Variants in NRG4 observed in about 807,000 individuals in gnomAD.
NRG4 encodes the protein pro-neuregulin-4, membrane-bound isoform.
A neutral mutation model predicts 15.0 loss-of-function variants in NRG4; 10 were observed. The observed-to-expected ratio is 0.67, with a 90% CI of 0.41 to 1.13. The LOEUF is 1.13. Among genes scored for constraint, NRG4 ranks in the 50% most tolerant of loss-of-function variants. The probability of loss-of-function intolerance (pLI) is 0.00; values close to 1 mark genes in which losing one functional copy is unlikely to be tolerated. For synonymous variants in NRG4, 41 were observed against 50.1 expected, an observed-to-expected ratio of 0.82 and a Z score of 0.77; for missense variants, 139 against 140.2, an observed-to-expected ratio of 0.99 and a Z score of 0.04.
chr15:76,015,274 A>G (rs1055632459), upstream of NRG4, among the ~76,000 whole-genome samples: 1 of 152,234 alleles, frequency 6.6e-6, no homozygotes, highest in African/African-American at 2.4e-5. Flanking sequence ...ATATACAATC[A>G]TGTCATCTGC....
At chr15:75,980,169 A>T (rs1221858802) in intron 3 of NRG4, among the ~76,000 whole-genome samples, 1 of 152,222 alleles carries the variant, frequency 6.6e-6, no homozygotes, top group Non-Finnish European at 1.5e-5. Flanking sequence ...AACCATGTTC[A>T]GTAGTATAAA....
upstream of NRG4, among the ~76,000 whole-genome samples, chr15:76,015,405 T>A (rs1264489392): frequency 6.6e-6 from 1 of 152,226 alleles, no homozygotes; most frequent in African/African-American, 2.4e-5. Flanking sequence ...AGAGAGGGCA[T>A]CCTTGTGTTG....
At chr15:76,024,551 C>A (rs973889405) in intron 5 of NRG4, among the ~76,000 whole-genome samples, 2 of 152,230 alleles carry the variant, frequency 1.3e-5, no homozygotes, top group Non-Finnish European at 2.9e-5. Flanking sequence ...GTAAGCCACC[C>A]CTGGCAGGCA....
chr15:75,954,265 G>GTTTTTTTT (rs774149763), intron 5 of NRG4, among the ~76,000 whole-genome samples: 11 of 136,020 alleles, frequency 8.1e-5, no homozygotes, highest in East Asian at 2.2e-4. Context: ...TTGTTTTTTT[G>GTTTTTTTT]TTTTTTTTTT....
At chr15:75,992,880 C>G (rs1265349993) in intron 3 of NRG4, among the ~76,000 whole-genome samples, 2 of 151,232 alleles carry the variant, frequency 1.3e-5, no homozygotes, top group East Asian at 1.9e-4. Flanking sequence ...TGTATATATA[C>G]TACATTTTAT....
chr15:76,012,998 A>G (rs542013429), upstream of NRG4, among the ~76,000 whole-genome samples: 3 of 152,340 alleles, frequency 2.0e-5, no homozygotes, highest in South Asian at 6.2e-4. Context: ...TAAAAATCAT[A>G]AACAATTTTA....
At chr15:75,974,336 T>C (rs1387108858) in intron 3 of NRG4, among the ~76,000 whole-genome samples, 1 of 152,244 alleles carries the variant, frequency 6.6e-6, no homozygotes, top group Non-Finnish European at 1.5e-5. Flanking sequence ...TCATGGAGTT[T>C]TTGAAGGATT....
At chr15:75,973,351 C>A (rs907545730) in intron 3 of NRG4, among the ~76,000 whole-genome samples, 1 of 152,094 alleles carries the variant, frequency 6.6e-6, no homozygotes, top group Non-Finnish European at 1.5e-5. Context: ...ATTTGAATAC[C>A]CTTTATTTCT....
chr15:76,042,443 C>T (rs1190922943), intron 4 of NRG4, among the ~76,000 whole-genome samples: 2 of 151,134 alleles, frequency 1.3e-5, no homozygotes, highest in Non-Finnish European at 3.0e-5. Context: ...AGAGGAGATA[C>T]AAATAAATAA....
chr15:75,949,298 C>A (rs1296735138), intron 5 of NRG4, among the ~76,000 whole-genome samples: 1 of 151,828 alleles, frequency 6.6e-6, no homozygotes, highest in Non-Finnish European at 1.5e-5. Context: ...GTAGTCCCAG[C>A]TACTCGGGAG....
chr15:76,004,935 C>T (rs1312557457), intron 3 of NRG4, among the ~76,000 whole-genome samples: 1 of 152,122 alleles, frequency 6.6e-6, no homozygotes, highest in African/African-American at 2.4e-5. Flanking sequence ...TTTTGACTCC[C>T]TCAAAACTTA....
intron 5 of NRG4, among the ~76,000 whole-genome samples, chr15:75,953,130 T>C (rs1388196081): frequency 6.6e-6 from 1 of 152,238 alleles, no homozygotes; most frequent in Non-Finnish European, 1.5e-5. Flanking sequence ...CTATGTTTTC[T>C]ACTAAGAGTT....
At chr15:76,024,110 C>T (rs1185201537) in intron 5 of NRG4, among the ~76,000 whole-genome samples, 1 of 152,234 alleles carries the variant, frequency 6.6e-6, no homozygotes, top group African/African-American at 2.4e-5. Flanking sequence ...TGGGCTACTC[C>T]TAGCTCACCT....
chr15:76,040,493 C>T (rs1193664193), intron 4 of NRG4, among the ~76,000 whole-genome samples: 3 of 152,188 alleles, frequency 2.0e-5, no homozygotes, highest in Admixed American at 1.3e-4. Context: ...AGCAGTAAGA[C>T]ATCATCTGAA....
intron 5 of NRG4, among the ~76,000 whole-genome samples, chr15:75,946,168 A>G (rs2031492013): frequency 6.6e-6 from 1 of 152,192 alleles, no homozygotes; most frequent in African/African-American, 2.4e-5. Context: ...GGGAGATTTC[A>G]TCATGTTGCT....
rs2032218498 is a variant in NRG4 at position 75,956,006 on chromosome 15, C to A, written c.257G>T (p.Gly86Val). The A allele has an allele frequency of 6.2e-7, 1 of 1,600,462 alleles. No homozygotes were observed. Among genetic ancestry groups the A allele is most frequent in the Non-Finnish European group, 8.6e-7 (1 of 1,167,980 alleles). ...GACTGAACTGGCTCTCTGAAAGTGG[C>A]CTTTCCTGACAATAAAGAGGAGAGA... ...IGAFYFLCRK[G>V]HFQRASSVQY... The change falls in exon 5 of 6, where the codon GGC (glycine) becomes GTC (valine). Residue 86 changes from glycine to valine, a missense_variant. By Grantham distance (109) the Gly-to-Val change is moderately radical. Transcript: ENST00000394907.
intron 1 of NRG4, among the ~76,000 whole-genome samples, chr15:76,011,730 A>G (rs2034816617): frequency 6.6e-6 from 1 of 152,202 alleles, no homozygotes; most frequent in African/African-American, 2.4e-5. Flanking sequence ...CAACCTATGC[A>G]AACCTTTCTT....
downstream of NRG4, chr15:75,940,357 C>T (rs2030819312): frequency 6.6e-6 from 1 of 151,920 alleles, no homozygotes; most frequent in Admixed American, 6.6e-5. Context: ...AACGGAAATA[C>T]ATCTCATGTT....
At chr15:76,024,868 A>G (rs2141932945) in intron 5 of NRG4, among the ~76,000 whole-genome samples, 1 of 152,286 alleles carries the variant, frequency 6.6e-6, no homozygotes, top group Admixed American at 6.5e-5. Flanking sequence ...CCCAAGACCC[A>G]TCTATATGTA....
Sources: allele counts gnomAD v4.1 joint callset (sites outside exome capture counted in the v4.1 genomes callset), GRCh38; gene constraint gnomAD v4.1.1; transcripts MANE v1.5; gene names NCBI Gene and HGNC (gene_info 2026-07-23, HGNC 2026-07-21).